Variants in ATAD2B observed in about 807,000 individuals in gnomAD.
ATAD2B encodes ATPase family AAA domain containing 2B.
In ATAD2B, 40 loss-of-function variants were observed where a neutral mutation model predicts 167.6. The observed-to-expected ratio is 0.24, with a 90% confidence interval of 0.19 to 0.31. The LOEUF (loss-of-function observed/expected upper bound fraction) is 0.31, where lower values mean the gene tolerates loss of function less well. Among genes scored for constraint, ATAD2B ranks in the 10% least tolerant of loss-of-function variants. The pLI is 1.00. For missense variants in ATAD2B, 1,242 were observed against 1,757.2 expected (o/e 0.71, Z 5.24); for synonymous variants, 579 against 596.5 (o/e 0.97, Z 0.43).
At chr2:23,842,140 C>T (rs925055159) in intron 13 of ATAD2B, among the ~76,000 whole-genome samples, 2 of 152,126 alleles carry the variant, frequency 1.3e-5, no homozygotes, top group African/African-American at 4.8e-5. Context: ...GGGTTTAAAT[C>T]TATAATCATA....
the ATAD2B span, among the ~76,000 whole-genome samples, chr2:23,701,864 G>A: frequency 1.5e-4 from 21 of 143,884 alleles, no homozygotes; most frequent in East Asian, 2.5e-3. Context: ...GCAATGGCGC[G>A]ATCTTGGCTC....
At chr2:23,893,130 T>C (rs751343303) in intron 2 of ATAD2B, among the ~76,000 whole-genome samples, 41 of 152,182 alleles carry the variant, frequency 2.7e-4, no homozygotes, top group Middle Eastern at 3.2e-3. Flanking sequence ...TCAAATCACT[T>C]AGGAAGATTC....
chr2:23,903,936 T>G (rs142523701), intron 1 of ATAD2B, among the ~76,000 whole-genome samples: 67 of 151,580 alleles, frequency 4.4e-4, no homozygotes, highest in African/African-American at 8.4e-4. Flanking sequence ...GTGCCGGTTG[T>G]TGTTGGTGGT....
intron 13 of ATAD2B, among the ~76,000 whole-genome samples, chr2:23,843,356 T>A (rs1005042231): frequency 6.6e-6 from 1 of 152,028 alleles, no homozygotes; most frequent in Non-Finnish European, 1.5e-5. Flanking sequence ...AAAATCAGAA[T>A]AAACACAAAG....
intron 14 of ATAD2B, among the ~76,000 whole-genome samples, chr2:23,830,319 G>A (rs1367248309): frequency 6.6e-6 from 1 of 152,096 alleles, no homozygotes; most frequent in African/African-American, 2.4e-5. Flanking sequence ...TAACATATAA[G>A]AATCTATAAT....
the ATAD2B span, among the ~76,000 whole-genome samples, chr2:23,709,018 G>A: frequency 2.6e-4 from 39 of 152,216 alleles, no homozygotes; most frequent in African/African-American, 9.1e-4. Context: ...GGAATACAGG[G>A]TGATTTCTTT....
rs140848952 is a variant in ATAD2B at position 23,765,310 on chromosome 2, A to G, written c.3256+196T>C. Among the ~76,000 whole-genome samples, 9 of 152,342 alleles carry G rather than the reference A, an allele frequency of 5.9e-5. No homozygotes were observed. In the East Asian group the frequency reaches 1.7e-3, roughly 29 times the overall value. ...TTATTTCTGTAATACACACTATCAC[A>G]CTAAAACTTTCACAGTAGGTAAAGT... is the stretch of plus-strand genomic sequence containing the variant. On this transcript the variant is annotated intron_variant, in intron 23 of 27. Transcript: ENST00000238789.
chr2:23,706,483 C>G, the ATAD2B span: 9 of 1,524,704 alleles, frequency 5.9e-6, no homozygotes, highest in Non-Finnish European at 7.9e-6. Context: ...CCCAACAGTG[C>G]TGTGGTGCTT....
chr2:23,860,923 A>G (rs1211149171), intron 12 of ATAD2B, among the ~76,000 whole-genome samples: 1 of 152,314 alleles, frequency 6.6e-6, no homozygotes, highest in East Asian at 1.9e-4. Flanking sequence ...GTGAGCCAAG[A>G]TCACGCCATT....
chr2:23,892,152 T>C (rs986824619), intron 2 of ATAD2B, among the ~76,000 whole-genome samples: 6 of 152,136 alleles, frequency 3.9e-5, no homozygotes, highest in Non-Finnish European at 8.8e-5. Context: ...TACATTTCAG[T>C]ACACAATAAA....
chr2:23,731,417 A>G, the ATAD2B span, among the ~76,000 whole-genome samples: 1 of 152,214 alleles, frequency 6.6e-6, no homozygotes, highest in Non-Finnish European at 1.5e-5. Context: ...ATCAAATATC[A>G]GTCACTGATG....
chr2:23,828,889 C>T lies in ATAD2B; in HGVS notation c.1779G>A (p.Leu593=), dbSNP rs190446682. Residue 593 remains leucine (L), a synonymous_variant, in exon 15 of 28, where the codon TTG becomes TTA. Coordinates refer to ENST00000238789, the MANE Select transcript of ATAD2B (RefSeq NM_017552.4). ...CCAATTCACCTAAAAATGCATCTGA[C>T]AATTTTGGATTCCAGTCCCTGGTAT... ...QIHTRDWNPK[L]SDAFLGELAE... is the part of the protein sequence containing the mutation. 106 of 1,610,860 alleles carry T rather than the reference C, an allele frequency of 6.6e-5. No homozygotes were observed. In the African/African-American group the frequency reaches 1.4e-3, roughly 21 times the overall value.
At chr2:23,775,217 G>GTTTTTTTT (rs201108358) in intron 22 of ATAD2B, among the ~76,000 whole-genome samples, 1 of 144,372 alleles carries the variant, frequency 6.9e-6, no homozygotes. Flanking sequence ...ATTTTTTTAT[G>GTTTTTTTT]TTTTATTTTT....
chr2:23,879,320 A>G (rs926585662), intron 7 of ATAD2B, among the ~76,000 whole-genome samples: 2 of 152,018 alleles, frequency 1.3e-5, no homozygotes, highest in Admixed American at 1.3e-4. Flanking sequence ...AAAAAAAAAA[A>G]GGAATACACA....
At chr2:23,829,405 G>T (rs1047899326) in intron 14 of ATAD2B, among the ~76,000 whole-genome samples, 1 of 152,148 alleles carries the variant, frequency 6.6e-6, no homozygotes, top group Admixed American at 6.5e-5. Context: ...AAAATAACAA[G>T]TAACTTAAAC....
chr2:23,760,026 A>G (rs937876205), intron 24 of ATAD2B, among the ~76,000 whole-genome samples: 1 of 152,196 alleles, frequency 6.6e-6, no homozygotes, highest in African/African-American at 2.4e-5. Flanking sequence ...ATGAAACTAG[A>G]GCAAAATGAA....
intron 27 of ATAD2B, among the ~76,000 whole-genome samples, chr2:23,753,967 C>T (rs1675659049): frequency 6.6e-6 from 1 of 152,078 alleles, no homozygotes; most frequent in Non-Finnish European, 1.5e-5. Context: ...AAAAAAGGAA[C>T]CCCAGATTAC....
At chr2:23,904,142 T>C (rs1346664554) in intron 1 of ATAD2B, among the ~76,000 whole-genome samples, 2 of 151,958 alleles carry the variant, frequency 1.3e-5, no homozygotes, top group Non-Finnish European at 2.9e-5. Flanking sequence ...ATATGAAACA[T>C]GGTCATAAAA....
chr2:23,920,231 T>C (rs997689607), intron 1 of ATAD2B, among the ~76,000 whole-genome samples: 3 of 151,862 alleles, frequency 2.0e-5, no homozygotes, highest in African/African-American at 7.3e-5. Context: ...TTCAACATAA[T>C]AGTCTCTGTC....
Sources: gnomAD v4.1 joint callset for allele counts (sites outside exome capture counted in the v4.1 genomes callset) on GRCh38, gnomAD v4.1.1 for gene constraint, MANE v1.5 for transcripts, NCBI Gene and HGNC (gene_info 2026-07-23, HGNC 2026-07-21) for gene names.